Variants in TRIP13 observed in about 807,000 individuals in gnomAD.
TRIP13 encodes thyroid hormone receptor interactor 13, also known as pachytene checkpoint protein 2 homolog.
Under a neutral mutation model 54.4 loss-of-function variants are expected in TRIP13, and 25 were observed. The ratio of observed to expected loss-of-function variants is 0.46; its 90% CI spans 0.33 to 0.64. The LOEUF (loss-of-function observed/expected upper bound fraction) is 0.64, where lower values mean the gene tolerates loss of function less well. Ranked by LOEUF, TRIP13 falls within the 30% of genes least tolerant of loss-of-function variation. The pLI is 0.02. For missense variants in TRIP13, 373 were observed against 534.2 expected, an observed-to-expected ratio of 0.70 and a Z score of 2.97; for synonymous variants, 207 against 207.8, an observed-to-expected ratio of 1.00 and a Z score of 0.03.
downstream of TRIP13, among the ~76,000 whole-genome samples, chr5:918,806 G>C (rs964419052): frequency 6.6e-6 from 1 of 152,126 alleles, no homozygotes; most frequent in African/African-American, 2.4e-5. This position sits in a 1 kb window ranked among gnomAD's most constrained non-coding sequence, Gnocchi z 4.3. Flanking sequence ...GGTTAGGCCC[G>C]TCTCGCCTTT....
rs940492641 is a variant in TRIP13, at chr5:895,062, T to G, written c.258+110T>G. The G allele has an allele frequency of 6.3e-6, 8 of 1,276,432 alleles. No homozygotes were observed. In the African/African-American group the frequency reaches 7.4e-5, roughly 12 times the overall value. The allele number at this position is 1,276,432 out of a possible 1,614,324, so 79.1% of individuals were successfully genotyped here. A position where few individuals can be genotyped will look rare whatever the true frequency, so the allele number is the denominator to read the frequency against. On this transcript the variant is annotated intron_variant, in intron 2 of 12. Coordinates refer to ENST00000166345, the MANE Select transcript of TRIP13 (RefSeq NM_004237.4). The stretch of plus-strand genomic sequence containing the variant: ...GTTGTCAGAAACAGGTTCACTTCTC[T>G]GTTGGTTTGGGTGGCTAGACAAGTT...
chr5:914,000 C>G lies in TRIP13; in HGVS notation c.1021-465C>G, dbSNP rs1163422924. On this transcript the variant is annotated intron_variant, in intron 10 of 12. Transcript: ENST00000166345. The surrounding 1 kb of genome is among the most constrained non-coding windows in gnomAD (Gnocchi z 4.5). ...AGCTCCTCGGTCAGTCAGACACTGT[C>G]ATGCTGCCAAACAAGCCTCACCTTT... Among the ~76,000 whole-genome samples, 1 of 152,150 alleles carries G rather than the reference C, an allele frequency of 6.6e-6. No homozygotes were observed. The highest frequency in any genetic ancestry group is 1.5e-5 in the Non-Finnish European group (1 of 68,038).
rs183046022 is a variant in TRIP13, at chr5:913,705, A to G, written c.1021-760A>G. On this transcript the variant is annotated intron_variant, in intron 10 of 12. Coordinates refer to ENST00000166345, the MANE Select transcript of TRIP13 (RefSeq NM_004237.4). This position sits in a 1 kb window ranked among gnomAD's most constrained non-coding sequence, Gnocchi z 4.5. ...CAGTTTATATGAAATTAAGACATGC[A>G]GATGTCACAGTGGATATTGAACTGG... Among the ~76,000 whole-genome samples, 129 of 152,304 alleles carry G rather than the reference A, an allele frequency of 8.5e-4. 4 individuals are homozygous for G. The East Asian group carries it at 0.016, about 19-fold the overall frequency.
In TRIP13 at chr5:894,744, T is replaced by G. The variant is rs377307680; in HGVS notation, c.93-43T>G. 89 of 1,558,954 alleles carry G rather than the reference T, an allele frequency of 5.7e-5. No individual in the cohort carries two copies. In the South Asian group the frequency reaches 9.3e-4, roughly 16 times the overall value. ...AACACTTCATTTTAACATTTTGTTT[T>G]TGAACTAAGATCATTTATGTGTGTT... On this transcript the variant is annotated intron_variant, in intron 1 of 12. Transcript: ENST00000166345.
downstream of TRIP13, among the ~76,000 whole-genome samples, chr5:918,634 G>T (rs1754378492): frequency 6.6e-6 from 1 of 152,136 alleles, no homozygotes; most frequent in Non-Finnish European, 1.5e-5. The surrounding 1 kb of genome is among the most constrained non-coding windows in gnomAD (Gnocchi z 4.3). Flanking sequence ...CATATATAAA[G>T]GGGAGTTTAT....
At position 901,418 on chromosome 5, in the gene TRIP13, G is replaced by A. The variant is rs767753097; in HGVS notation, c.522G>A (p.Val174=). Residue 174 remains valine (V), a synonymous_variant, in exon 5 of 13, where the codon GTG becomes GTA. Coordinates refer to ENST00000166345, the MANE Select transcript of TRIP13 (RefSeq NM_004237.4). Reference sequence around the variant, plus strand: ...GCAACCTCATCACCTGGAACCGGGTGGTGCTGCTCCACGGTAAATTATGCA... The same window carrying A: ...GCAACCTCATCACCTGGAACCGGGTAGTGCTGCTCCACGGTAAATTATGCA... ...VNSNLITWNR[V]VLLHGPPGTG... 2.5e-6 allele frequency: 4 copies of A among 1,614,088 alleles called. No individual in the cohort carries two copies. The highest frequency in any genetic ancestry group is 3.4e-6 in the Non-Finnish European group (4 of 1,179,992).
intron 2 of TRIP13, among the ~76,000 whole-genome samples, chr5:895,423 G>A (rs533341179): frequency 1.3e-5 from 2 of 152,278 alleles, no homozygotes; most frequent in South Asian, 4.1e-4. Flanking sequence ...CTTTGTGTGA[G>A]GGCGTGGAGG....
At chr5:894,006 G>A (rs1389549162) in intron 1 of TRIP13, among the ~76,000 whole-genome samples, 2 of 152,178 alleles carry the variant, frequency 1.3e-5, no homozygotes, top group Admixed American at 6.5e-5. Flanking sequence ...GAGCACAGCT[G>A]CACCTAGAGG....
Position 907,106 on chromosome 5 carries a change from C to G in TRIP13, c.609-24C>G. On this transcript the variant is annotated intron_variant, in intron 6 of 12. Coordinates refer to ENST00000166345, the MANE Select transcript of TRIP13 (RefSeq NM_004237.4). This position sits in a 1 kb window ranked among gnomAD's most constrained non-coding sequence, Gnocchi z 4.1. ...ATCCACAGGACCAGTTAGTAATTCT[C>G]TCAACTCCTTTTTTCTATCTCAGGT... 6.2e-7 allele frequency: 1 copy of G among 1,611,296 alleles called. No individual in the cohort carries two copies. The highest frequency in any genetic ancestry group is 8.5e-7 in the Non-Finnish European group (1 of 1,177,588).
At chr5:914,620 G>A (rs1481527430) in intron 11 of TRIP13, 43 bp downstream of exon 11, 3 of 1,514,112 alleles carry the variant, frequency 2.0e-6, no homozygotes, top group Non-Finnish European at 2.7e-6. Flanking sequence ...GAATCCATTT[G>A]TGATATTAAC....
chr5:902,942 T>C (rs1484948889), intron 5 of TRIP13, among the ~76,000 whole-genome samples: 2 of 152,186 alleles, frequency 1.3e-5, no homozygotes, highest in African/African-American at 4.8e-5. Flanking sequence ...AGACTTTTAG[T>C]ACTTTCACTA....
At position 907,060 on chromosome 5, in the gene TRIP13, CG is replaced by C; in HGVS notation, c.609-69del. Reference sequence around the variant, plus strand: ...CACTTGAGATGTTGCATTCAGGACGCGTGAATGGCTGCCGCTGAGGATCCAC... The same window carrying C: ...CACTTGAGATGTTGCATTCAGGACGCTGAATGGCTGCCGCTGAGGATCCAC... On this transcript the variant is annotated intron_variant, in intron 6 of 12. Transcript: ENST00000166345. The surrounding 1 kb of genome is among the most constrained non-coding windows in gnomAD (Gnocchi z 4.1). 7.4e-7 allele frequency: 1 copy of C among 1,348,174 alleles called. No individual in the cohort carries two copies. Among genetic ancestry groups the C allele is most frequent in the Non-Finnish European group, 1.1e-6 (1 of 941,044 alleles). 83.5% of individuals were successfully genotyped at this position (1,348,174 alleles called of 1,614,324 possible). A position where few individuals can be genotyped will look rare whatever the true frequency, so the allele number is the denominator to read the frequency against.
At chr5:896,830 G>C (rs767556637) in intron 3 of TRIP13, 36 bp downstream of exon 3, 1 of 1,604,314 alleles carries the variant, frequency 6.2e-7, no homozygotes, top group South Asian at 1.1e-5. Context: ...GGGAGGCTGA[G>C]GTCAGAGGAT....
chr5:896,728 A>G lies in TRIP13; in HGVS notation c.322A>G (p.Ser108Gly). The change falls in exon 3 of 13, where the codon AGC becomes GGC. Residue 108 changes from serine (S) to glycine (G), a missense_variant. Physicochemically the swap from Ser to Gly is moderately conservative, Grantham distance 56 (BLOSUM62 0). Transcript: ENST00000166345. ...TTTCCAGCTGAATGAAGATGGCCCCAGCAGTGAAAATCTGGAGGAAGAGAC... is the reference window on the plus strand; with the variant it reads ...TTTCCAGCTGAATGAAGATGGCCCCGGCAGTGAAAATCTGGAGGAAGAGAC... ...HIFQLNEDGP[S>G]SENLEEETEN... 6.2e-7 allele frequency: 1 copy of G among 1,614,008 alleles called. No homozygotes were observed. Among genetic ancestry groups the G allele is most frequent in the Non-Finnish European group, 8.5e-7 (1 of 1,179,908 alleles).
intron 3 of TRIP13, 100 bp from the exon 4 acceptor site, chr5:900,394 C>A: frequency 8.5e-7 from 1 of 1,169,912 alleles, no homozygotes; most frequent in African/African-American, 1.5e-5. Context: ...CCTGGAGCAG[C>A]ACAATGGGAA....
At chr5:893,197 C>T (rs2150676109) in intron 1 of TRIP13, 107 bp downstream of exon 1, 1 of 1,157,214 alleles carries the variant, frequency 8.6e-7, no homozygotes, top group Non-Finnish European at 1.2e-6. Flanking sequence ...GACCGAACCC[C>T]AGGGTACTGA....
chr5:916,049 C>A, intron 12 of TRIP13, 76 bp downstream of exon 12: 1 of 1,424,406 alleles, frequency 7.0e-7, no homozygotes, highest in Non-Finnish European at 9.9e-7. Context: ...CGCTTAGTAG[C>A]CCTGGGGTAT....
intron 12 of TRIP13, among the ~76,000 whole-genome samples, chr5:916,802 G>A (rs1043811138): frequency 1.3e-5 from 2 of 152,034 alleles, no homozygotes; most frequent in African/African-American, 2.4e-5. Flanking sequence ...CGGGGGTCAC[G>A]TAGCCACCTT....
In TRIP13 at chr5:911,941, C is replaced by T. The variant is rs765623153; in HGVS notation, c.965C>T (p.Pro322Leu). The change falls in exon 10 of 13, where the codon CCC becomes CTC. Residue 322 changes from proline to leucine, a missense_variant. By Grantham distance (98) the Pro-to-Leu change is moderately conservative (BLOSUM62 -3). This residue lies in a region of TRIP13 where 101 missense variants were observed against 138.5 expected (regional missense o/e 0.73). Coordinates refer to ENST00000166345, the MANE Select transcript of TRIP13 (RefSeq NM_004237.4). The surrounding 1 kb of genome is among the most constrained non-coding windows in gnomAD (Gnocchi z 4.7). ...GACATCAAGCAGTACATTGGGCCACCCTCTGCAGCAGCCATCTTCAAAATC... is the reference window on the plus strand; with the variant it reads ...GACATCAAGCAGTACATTGGGCCACTCTCTGCAGCAGCCATCTTCAAAATC... ...RADIKQYIGPPSAAAIFKIYL... is the reference protein window; with the variant it reads ...RADIKQYIGPLSAAAIFKIYL... The T allele has an allele frequency of 6.2e-7, 1 of 1,613,516 alleles. No individual in the cohort carries two copies. The highest frequency in any genetic ancestry group is 1.1e-5 in the South Asian group (1 of 91,002).
Sources: gnomAD v4.1 joint callset for allele counts (sites outside exome capture counted in the v4.1 genomes callset) on GRCh38, gnomAD v4.1.1 for gene constraint, gnomAD v4.1.1 regional missense constraint, Gnocchi (gnomAD v3.1) non-coding constraint, MANE v1.5 for transcripts, NCBI Gene and HGNC (gene_info 2026-07-23, HGNC 2026-07-21) for gene names.